Variants in MYOF observed in about 807,000 individuals in gnomAD.
The protein encoded by MYOF is myoferlin, also known as fer-1-like 3, myoferlin.
MYOF carries 244 observed loss-of-function variants against 284.2 expected under a neutral mutation model. The ratio of observed to expected loss-of-function variants is 0.86; its 90% CI spans 0.77 to 0.95. The LOEUF (loss-of-function observed/expected upper bound fraction) is 0.95. Among genes scored for constraint, MYOF ranks in the 40% least tolerant of loss-of-function variants. The pLI is 0.00. For missense variants in MYOF, 2,496 were observed against 2,560.6 expected (o/e 0.97, Z 0.54); for synonymous variants, 904 against 919.7 (o/e 0.98, Z 0.31).
At chr10:93,462,884 A>G (rs1333067738) in intron 1 of MYOF, among the ~76,000 whole-genome samples, 1 of 151,276 alleles carries the variant, frequency 6.6e-6, no homozygotes, top group African/African-American at 2.4e-5. Context: ...ATTACAGGAA[A>G]CTCCCTCCCC....
intron 5 of MYOF, among the ~76,000 whole-genome samples, chr10:93,416,664 C>T (rs1325997944): frequency 1.4e-5 from 2 of 147,618 alleles, no homozygotes; most frequent in Non-Finnish European, 3.0e-5. Context: ...GTGGCATGAC[C>T]TTGGCTCACT....
rs375435845 is a variant in MYOF, at chr10:93,359,846, G to A, written c.3107C>T (p.Ser1036Leu). Residue 1036 changes from serine to leucine, a missense_variant, in exon 29 of 54, where the codon TCA becomes TTA. Coordinates refer to ENST00000359263, the MANE Select transcript of MYOF (RefSeq NM_013451.4). The stretch of plus-strand genomic sequence containing the variant: ...TGCTTCTCTTACCCTTGCGGTGCTT[G>A]AAGCAGTCTGTGTTAAATCTTTCTT... ...KRKKDLTQTASSTARAMEELQ... is the reference protein window; with the variant it reads ...KRKKDLTQTALSTARAMEELQ... 1.2e-6 allele frequency: 2 copies of A among 1,614,082 alleles called. No individual in the cohort carries two copies. The highest frequency in any genetic ancestry group is 2.7e-5 in the African/African-American group (2 of 74,938).
At position 93,427,215 on chromosome 10, in the gene MYOF, AAC is replaced by A. The variant is rs386746622; in HGVS notation, c.346-1059_346-1058del. ...TCTGTCTTAAAACAAAACAAAACAA[AAC>A]AAAAAAAAACAGAGAGAACTTTAAG... On this transcript the variant is annotated intron_variant, in intron 4 of 53. Coordinates refer to ENST00000359263, the MANE Select transcript of MYOF (RefSeq NM_013451.4). 3.9e-3 allele frequency among the ~76,000 whole-genome samples: 514 copies of A among 132,578 alleles called. 4 individuals are homozygous for A. The highest frequency in any genetic ancestry group is 0.014 in the African/African-American group (496 of 36,040). 87.0% of individuals were successfully genotyped at this position (132,578 alleles called of 152,430 possible).
rs138874854 is a variant in MYOF at position 93,390,438 on chromosome 10, G to T, written c.1457-1284C>A. 1.6e-3 allele frequency among the ~76,000 whole-genome samples: 242 copies of T among 152,262 alleles called. 1 individual carries two copies. The highest frequency in any genetic ancestry group is 5.4e-3 in the African/African-American group (225 of 41,550). On this transcript the variant is annotated intron_variant, in intron 17 of 53. Coordinates refer to ENST00000359263, the MANE Select transcript of MYOF (RefSeq NM_013451.4). ...ACAAAACTAGTGCACGCAGCCTAAG[G>T]TTGAGACTTGGTAACAGCCTAGGAT...
intron 5 of MYOF, among the ~76,000 whole-genome samples, chr10:93,411,763 G>A (rs1847909658): frequency 1.3e-5 from 2 of 152,174 alleles, no homozygotes; most frequent in Admixed American, 1.3e-4. Flanking sequence ...ATCCTAGCCT[G>A]GCTTCTGTTC....
In MYOF at chr10:93,456,913, A is replaced by G. The variant is rs762578272; in HGVS notation, c.113T>C (p.Val38Ala). 3.1e-6 allele frequency: 5 copies of G among 1,608,570 alleles called. No individual in the cohort carries two copies. The highest frequency in any genetic ancestry group is 4.2e-6 in the Non-Finnish European group (5 of 1,178,448). Residue 38 changes from valine to alanine, a missense_variant, in exon 2 of 54, where the codon GTT (valine) becomes GCT (alanine). Val to Ala is a moderately conservative substitution (Grantham distance 64). Around this residue, in one of 3 missense-constraint regions of MYOF, gnomAD observed 57 missense variants for 62.4 expected, o/e 0.91. Coordinates refer to ENST00000359263, the MANE Select transcript of MYOF (RefSeq NM_013451.4). ...CCAGACAGGGTTCAATTCATTATCA[A>G]CTTTCTTTGTTTTCTTTTTCTCATC... ...FKDEKKKTKK[V>A]DNELNPVWNE...
chr10:93,392,922 T>A lies in MYOF; in HGVS notation c.1451A>T (p.Tyr484Phe). 1 of 1,612,146 alleles carries A rather than the reference T, an allele frequency of 6.2e-7. No homozygotes were observed. Among genetic ancestry groups the A allele is most frequent in the Non-Finnish European group, 8.5e-7 (1 of 1,178,304 alleles). The change falls in exon 17 of 54, where the codon TAT (tyrosine) becomes TTT (phenylalanine). Residue 484 changes from tyrosine to phenylalanine, a missense_variant. Physicochemically the swap from Tyr to Phe is conservative, Grantham distance 22. Transcript: ENST00000359263. ...FSSSGTGAAS[Y>F]TVNTGETEVG... is the part of the protein sequence containing the mutation. Reference sequence around the variant, plus strand: ...CAAAATTACGAAGCATAAACCTGTATATGATGCAGCCCCAGTTCCCGAAGA... The same window carrying A: ...CAAAATTACGAAGCATAAACCTGTAAATGATGCAGCCCCAGTTCCCGAAGA...
At chr10:93,480,467 CTTTTTTTTT>C (rs34363499) in intron 1 of MYOF, among the ~76,000 whole-genome samples, 1 of 71,766 alleles carries the variant, frequency 1.4e-5, no homozygotes, top group Non-Finnish European at 2.4e-5. Flanking sequence ...AATTTGCCAG[CTTTTTTTTT>C]TTTTTTTTTT....
chr10:93,423,525 GAAAAAAAAAAA>G (rs59012520), intron 5 of MYOF, among the ~76,000 whole-genome samples: 9 of 14,892 alleles, frequency 6.0e-4, no homozygotes, highest in African/African-American at 2.1e-3. Context: ...GACTCCATCT[GAAAAAAAAAAA>G]AAAAAAAAAA....
In MYOF at chr10:93,351,469, C is replaced by T. The variant is rs774758928; in HGVS notation, c.3766G>A (p.Gly1256Arg). The change falls in exon 34 of 54, where the codon GGA becomes AGA. Residue 1256 changes from glycine (G) to arginine (R), a missense_variant. By Grantham distance (125) the Gly-to-Arg change is moderately radical. Coordinates refer to ENST00000359263, the MANE Select transcript of MYOF (RefSeq NM_013451.4). ...PKLLWHPVMN[G>R]DKACGDVLVT... ...AGAACATCCCCGCAGGCTTTGTCTC[C>T]ATTCATTACTGGGTGCCAGAGAAGT... 6 of 1,614,208 alleles carry T rather than the reference C, an allele frequency of 3.7e-6. No individual in the cohort carries two copies. Among genetic ancestry groups the T allele is most frequent in the Non-Finnish European group, 5.1e-6 (6 of 1,180,044 alleles).
At chr10:93,326,364 C>T (rs1456892952) in intron 45 of MYOF, among the ~76,000 whole-genome samples, 2 of 152,104 alleles carry the variant, frequency 1.3e-5, no homozygotes, top group Non-Finnish European at 2.9e-5. Context: ...CGGACCTGGC[C>T]CATAAATCCC....
intron 17 of MYOF, among the ~76,000 whole-genome samples, chr10:93,390,384 T>C (rs189019348): frequency 6.6e-6 from 1 of 152,144 alleles, no homozygotes; most frequent in Admixed American, 6.5e-5. Flanking sequence ...AAAGAAACAT[T>C]TAAATGAAAA....
chr10:93,330,372 C>T (rs972771779), intron 43 of MYOF, among the ~76,000 whole-genome samples: 4 of 152,168 alleles, frequency 2.6e-5, no homozygotes, highest in African/African-American at 9.7e-5. Context: ...TAGCCCCCTA[C>T]CTGTGCCCCT....
chr10:93,387,557 A>G (rs1299984205), intron 19 of MYOF, among the ~76,000 whole-genome samples: 1 of 152,160 alleles, frequency 6.6e-6, no homozygotes, highest in Admixed American at 6.5e-5. Context: ...CCACTTCCCC[A>G]TGACCCCCAA....
In MYOF at chr10:93,344,000, G is replaced by A. The variant is rs1844054397; in HGVS notation, c.4250-68C>T. On this transcript the variant is annotated intron_variant, in intron 37 of 53. Transcript: ENST00000359263. ...TACAGTGGTGAACATTCTACTCCAA[G>A]TTCAAGTTTAACAGCCATAGGGTGG... 1.9e-6 allele frequency: 3 copies of A among 1,566,184 alleles called. No homozygotes were observed. In the Admixed American group the frequency reaches 5.2e-5, roughly 27 times the overall value.
chr10:93,330,404 C>T (rs1308981923), intron 43 of MYOF, among the ~76,000 whole-genome samples: 10 of 152,148 alleles, frequency 6.6e-5, no homozygotes, highest in Admixed American at 6.5e-4. Flanking sequence ...TCCTCTGCCT[C>T]AATAGAGACC....
chr10:93,325,763 TCAA>T, intron 46 of MYOF, 60 bp downstream of exon 46: 1 of 1,529,876 alleles, frequency 6.5e-7, no homozygotes, highest in South Asian at 1.2e-5. Context: ...CGCAAAAATG[TCAA>T]CTACTGCCAT....
intron 4 of MYOF, among the ~76,000 whole-genome samples, chr10:93,427,224 A>T (rs1408505025): frequency 6.6e-6 from 1 of 151,768 alleles, no homozygotes; most frequent in Non-Finnish European, 1.5e-5. Flanking sequence ...AAACAAAAAA[A>T]AACAGAGAGA....
chr10:93,345,222 C>T (rs1821352646), intron 37 of MYOF, among the ~76,000 whole-genome samples: 1 of 152,220 alleles, frequency 6.6e-6, no homozygotes, highest in Non-Finnish European at 1.5e-5. Context: ...GAGCTAAACA[C>T]TTTACTTACA....
Sources: gnomAD v4.1 joint callset for allele counts (sites outside exome capture counted in the v4.1 genomes callset) on GRCh38, gnomAD v4.1.1 for gene constraint, gnomAD v4.1.1 regional missense constraint, MANE v1.5 for transcripts, NCBI Gene and HGNC (gene_info 2026-07-23, HGNC 2026-07-21) for gene names.